The following CCT5 variants were observed in gnomAD, a reference collection of about 807,000 sequenced individuals.
CCT5 encodes the protein chaperonin containing TCP1 subunit 5, also known as T-complex protein 1 subunit epsilon.
A neutral mutation model predicts 55.0 loss-of-function variants in CCT5; 6 were observed. The observed-to-expected ratio is 0.11, with a 90% CI of 0.06 to 0.22. The LOEUF (loss-of-function observed/expected upper bound fraction) is 0.22, where lower values mean the gene tolerates loss of function less well. CCT5 is among the 10% of genes least tolerant of loss of function. CCT5 has a pLI of 1.00. For missense variants in CCT5, 560 were observed against 694.6 expected (o/e 0.81, Z 2.18); for synonymous variants, 231 against 243.7 (o/e 0.95, Z 0.49).
intron 3 of CCT5, among the ~76,000 whole-genome samples, chr5:10,255,397 G>C (rs1745621633): frequency 6.6e-6 from 1 of 151,932 alleles, no homozygotes. Flanking sequence ...TTAAAAAGTT[G>C]GGGAGATTGA....
chr5:10,261,791 A>G, intron 8 of CCT5, 46 bp downstream of exon 8: 2 of 1,532,048 alleles, frequency 1.3e-6, no homozygotes, highest in Non-Finnish European at 1.8e-6. Context: ...ATTTTGCTTC[A>G]TGGTCTGGCT....
chr5:10,250,936 TG>T, intron 1 of CCT5: 1 of 921,706 alleles, frequency 1.1e-6, no homozygotes, highest in Non-Finnish European at 1.3e-6. Context: ...AGTGCTTTTT[TG>T]CCCACCCTTG....
intron 8 of CCT5, chr5:10,262,208 T>G (rs967421238): frequency 1.3e-5 from 6 of 461,474 alleles, no homozygotes; most frequent in African/African-American, 7.9e-5. Flanking sequence ...GAGAATGAGT[T>G]TTTAGCACAT....
intron 4 of CCT5, among the ~76,000 whole-genome samples, chr5:10,256,690 A>AAAG (rs1273302663): frequency 6.6e-6 from 1 of 151,816 alleles, no homozygotes; most frequent in Non-Finnish European, 1.5e-5. Flanking sequence ...CTGTCTCAAA[A>AAAG]AAAAAAAAAA....
rs189364500 is a variant in CCT5, at chr5:10,264,168, G to A, written c.1499-488G>A. On this transcript the variant is annotated intron_variant, in intron 10 of 10. Coordinates refer to ENST00000280326, the MANE Select transcript of CCT5 (RefSeq NM_012073.5). ...CAGGCACCTGTAATCCCAGCTACTC[G>A]GGAGGCTGAGGCAGGAGAATCGCTT... Among the ~76,000 whole-genome samples, 130 of 152,198 alleles carry A rather than the reference G, an allele frequency of 8.5e-4. 1 individual carries two copies. The Middle Eastern group carries it at 0.024, about 28-fold the overall frequency.
chr5:10,260,234 G>C (rs894862145), intron 6 of CCT5, among the ~76,000 whole-genome samples: 6 of 152,158 alleles, frequency 3.9e-5, no homozygotes, highest in Non-Finnish European at 8.8e-5. Context: ...CCTGATCGTT[G>C]CCCTCCTAAT....
chr5:10,263,455 G>A, intron 10 of CCT5, 141 bp downstream of exon 10: 1 of 763,154 alleles, frequency 1.3e-6, no homozygotes, highest in Non-Finnish European at 2.2e-6. Context: ...CTGAATTTTA[G>A]AATGTTTGAT....
intron 1 of CCT5, among the ~76,000 whole-genome samples, chr5:10,253,326 CT>C (rs1191260202): frequency 2.9e-4 from 5 of 17,458 alleles, no homozygotes; most frequent in Non-Finnish European, 5.8e-4. Flanking sequence ...GCAAGACTGT[CT>C]CAAAAAAAAA....
upstream of CCT5, chr5:10,249,923 A>AAAAAAC: frequency 7.7e-7 from 1 of 1,303,468 alleles, no homozygotes; most frequent in Non-Finnish European, 9.9e-7. Context: ...AAAAAAAAAA[A>AAAAAAC]AAAAAAAAAA....
chr5:10,258,599 G>A, intron 6 of CCT5, 64 bp downstream of exon 6: 9 of 1,449,196 alleles, frequency 6.2e-6, no homozygotes, highest in Non-Finnish European at 8.7e-6. Context: ...GTTAGGTTTG[G>A]TTAGTAAATA....
intron 1 of CCT5, 57 bp downstream of exon 1, chr5:10,250,502 C>T (rs1745324582): frequency 3.7e-6 from 6 of 1,601,766 alleles, no homozygotes; most frequent in Admixed American, 3.4e-5. Flanking sequence ...GAGGCCGTGG[C>T]TCTGCGCCTG....
intron 4 of CCT5, among the ~76,000 whole-genome samples, chr5:10,256,576 G>A (rs1745692939): frequency 2.0e-5 from 3 of 151,850 alleles, no homozygotes; most frequent in Admixed American, 2.0e-4. Context: ...AGCCAGGCAT[G>A]GTAGCACACA....
intron 3 of CCT5, 173 bp downstream of exon 3, chr5:10,255,011 A>G (rs1246692819): frequency 3.2e-6 from 2 of 634,062 alleles, no homozygotes; most frequent in African/African-American, 3.6e-5. Flanking sequence ...CAGTGTTACA[A>G]AAGAACAGAA....
chr5:10,261,214 A>G (rs1166341519), intron 7 of CCT5: 6 of 492,102 alleles, frequency 1.2e-5, no homozygotes, highest in South Asian at 2.0e-5. Context: ...GTCCCAGGCA[A>G]CGGTGCCTCG....
upstream of CCT5, chr5:10,250,228 C>A: frequency 6.4e-7 from 1 of 1,570,398 alleles, no homozygotes; most frequent in Non-Finnish European, 8.6e-7. Flanking sequence ...AAGTCCCGCG[C>A]GTCTTGTGCT....
intron 4 of CCT5, among the ~76,000 whole-genome samples, chr5:10,257,605 C>A (rs1745746857): frequency 6.6e-6 from 1 of 152,206 alleles, no homozygotes; most frequent in Non-Finnish European, 1.5e-5. Flanking sequence ...AGGTAACACC[C>A]TCCATCTATA....
intron 1 of CCT5, chr5:10,250,646 G>C: frequency 7.0e-7 from 1 of 1,421,046 alleles, no homozygotes; most frequent in Admixed American, 2.9e-5. Context: ...CTCGGAATGT[G>C]GGGGCCAGCC....
intron 7 of CCT5, 73 bp from the exon 8 acceptor site, chr5:10,261,487 C>A: frequency 6.8e-7 from 1 of 1,460,892 alleles, no homozygotes; most frequent in South Asian, 1.2e-5. Flanking sequence ...AAGTTTTGCT[C>A]ATTTGTGGCC....
intron 6 of CCT5, among the ~76,000 whole-genome samples, 182 bp downstream of exon 6, chr5:10,258,717 C>T (rs1239507258): frequency 6.6e-6 from 1 of 152,224 alleles, no homozygotes; most frequent in African/African-American, 2.4e-5. Context: ...GTAGCGTGTT[C>T]AGGCCAGGTG....
Sources: gnomAD v4.1 joint callset for allele counts (sites outside exome capture counted in the v4.1 genomes callset) on GRCh38, gnomAD v4.1.1 for gene constraint, MANE v1.5 for transcripts, NCBI Gene and HGNC (gene_info 2026-07-23, HGNC 2026-07-21) for gene names.